Variants in PTPN9 observed in about 807,000 individuals in gnomAD.
PTPN9 encodes tyrosine-protein phosphatase non-receptor type 9.
Under a neutral mutation model 69.8 loss-of-function variants are expected in PTPN9, and 26 were observed. That is an observed-to-expected ratio of 0.37 (90% CI 0.27 to 0.52). The LOEUF (loss-of-function observed/expected upper bound fraction) is 0.52, where lower values mean the gene tolerates loss of function less well. Among genes scored for constraint, PTPN9 ranks in the 20% least tolerant of loss-of-function variants. The probability of loss-of-function intolerance (pLI) is 0.91; values close to 1 mark genes in which losing one functional copy is unlikely to be tolerated. For missense variants in PTPN9, 549 were observed against 740.3 expected, an observed-to-expected ratio of 0.74 and a Z score of 3.00; for synonymous variants, 274 against 272.5, an observed-to-expected ratio of 1.01 and a Z score of -0.05.
intron 1 of PTPN9, among the ~76,000 whole-genome samples, chr15:75,546,531 T>C (rs558825367): frequency 6.0e-5 from 9 of 151,040 alleles, no homozygotes; most frequent in Admixed American, 1.3e-4. Flanking sequence ...TACTCCCAGC[T>C]ACTCAGGAGG....
chr15:75,515,530 G>T, intron 5 of PTPN9, among the ~76,000 whole-genome samples: 1 of 152,062 alleles, frequency 6.6e-6, no homozygotes, highest in East Asian at 1.9e-4. Context: ...CACTTTGGGA[G>T]GCCAAGGAGG....
Position 75,468,235 on chromosome 15 carries a change from C to T in PTPN9, c.*534G>A, listed in dbSNP as rs1363776945. ...ACACACGTACATATGGACCCATACA[C>T]ATAAGTGCACACACACACACACACA... On this transcript the variant is annotated 3_prime_UTR_variant, in exon 13 of 13. Coordinates refer to ENST00000618819, the MANE Select transcript of PTPN9 (RefSeq NM_002833.4). 1.9e-5 allele frequency: 3 copies of T among 158,610 alleles called. No individual in the cohort carries two copies. Among genetic ancestry groups the T allele is most frequent in the African/African-American group, 7.2e-5 (3 of 41,474 alleles). The allele number at this position is 158,610 out of a possible 1,614,324, so 9.8% of individuals were successfully genotyped here.
chr15:75,480,731 G>T, intron 8 of PTPN9: 1 of 1,303,386 alleles, frequency 7.7e-7, no homozygotes, highest in Non-Finnish European at 9.8e-7. Context: ...GGAGTTCAGC[G>T]GGCAGCGGAG....
chr15:75,508,025 G>A (rs1344938489), intron 6 of PTPN9, among the ~76,000 whole-genome samples: 1 of 122,146 alleles, frequency 8.2e-6, no homozygotes, highest in Non-Finnish European at 1.6e-5. Flanking sequence ...CTAGGCAACA[G>A]AGTGAGACAC....
At position 75,465,039 on chromosome 15, in the gene PTPN9, A is replaced by G. The variant is rs1376155525; in HGVS notation, c.*3730T>C. 6.6e-6 allele frequency: 1 copy of G among 152,224 alleles called. No individual in the cohort carries two copies. Among genetic ancestry groups the G allele is most frequent in the Non-Finnish European group, 1.5e-5 (1 of 68,030 alleles). 9.4% of individuals were successfully genotyped at this position (152,224 alleles called of 1,614,324 possible). A position where few individuals can be genotyped will look rare whatever the true frequency, so the allele number is the denominator to read the frequency against. On this transcript the variant is annotated 3_prime_UTR_variant, in exon 13 of 13. Coordinates refer to ENST00000618819, the MANE Select transcript of PTPN9 (RefSeq NM_002833.4). ...GAAAGGTGAAACAAACAGCCATCAA[A>G]TCAGAAGCAGAAGCCTGCTTTAGCT...
At chr15:75,530,631 T>C (rs1311038281) in intron 1 of PTPN9, among the ~76,000 whole-genome samples, 1 of 68,882 alleles carries the variant, frequency 1.5e-5, no homozygotes, top group Admixed American at 2.5e-4. Context: ...ATTATTATAT[T>C]ATAATATACT....
At chr15:75,576,410 T>C (rs2075173638) in intron 1 of PTPN9, among the ~76,000 whole-genome samples, 1 of 147,660 alleles carries the variant, frequency 6.8e-6, no homozygotes, top group Non-Finnish European at 1.5e-5. Context: ...TGGGTACCTG[T>C]AATCCCAGAT....
At chr15:75,476,708 T>A (rs951355397) in intron 9 of PTPN9, among the ~76,000 whole-genome samples, 1 of 152,182 alleles carries the variant, frequency 6.6e-6, no homozygotes. Context: ...CTCTGGGTCC[T>A]AGGGTTATGA....
chr15:75,530,416 ATATAT>A (rs886653922), intron 1 of PTPN9, among the ~76,000 whole-genome samples: 54 of 107,996 alleles, frequency 5.0e-4, no homozygotes, highest in African/African-American at 1.1e-3. Flanking sequence ...TTATATTATT[ATATAT>A]TATATTATAA....
chr15:75,558,559 C>T (rs528754193), intron 1 of PTPN9, among the ~76,000 whole-genome samples: 27 of 152,216 alleles, frequency 1.8e-4, no homozygotes, highest in Non-Finnish European at 3.5e-4. Flanking sequence ...TCTCTTGCCA[C>T]GGTCTCCCTC....
intron 2 of PTPN9, among the ~76,000 whole-genome samples, chr15:75,526,712 G>A (rs977124093): frequency 1.2e-4 from 19 of 152,052 alleles, no homozygotes; most frequent in Non-Finnish European, 5.9e-5. Context: ...TTCCTGAACT[G>A]CCCACTAAGC....
chr15:75,565,155 T>A (rs1345749853), intron 1 of PTPN9, among the ~76,000 whole-genome samples: 2 of 147,878 alleles, frequency 1.4e-5, no homozygotes, highest in African/African-American at 2.5e-5. Flanking sequence ...AATAATTTTT[T>A]AAAAGCTAAA....
intron 4 of PTPN9, among the ~76,000 whole-genome samples, chr15:75,519,294 G>A (rs188325386): frequency 1.3e-5 from 2 of 152,278 alleles, no homozygotes; most frequent in Middle Eastern, 3.4e-3. Flanking sequence ...TAGTAGAGAC[G>A]GGGTTTCGCC....
intron 1 of PTPN9, among the ~76,000 whole-genome samples, chr15:75,569,613 G>A (rs1026414991): frequency 7.0e-6 from 1 of 143,516 alleles, no homozygotes; most frequent in African/African-American, 2.6e-5. Flanking sequence ...GCTGAGGCTG[G>A]AAAATCGCTT....
intron 7 of PTPN9, among the ~76,000 whole-genome samples, chr15:75,497,063 A>G (rs1057447103): frequency 6.6e-6 from 1 of 152,236 alleles, no homozygotes; most frequent in African/African-American, 2.4e-5. Context: ...ATGCATATAT[A>G]ACAGTATAAA....
At chr15:75,470,246 C>G (rs1260351810) in intron 11 of PTPN9, among the ~76,000 whole-genome samples, 1 of 152,176 alleles carries the variant, frequency 6.6e-6, no homozygotes, top group South Asian at 2.1e-4. Flanking sequence ...ACTCTGTTGC[C>G]CAGGTTGGAG....
intron 1 of PTPN9, among the ~76,000 whole-genome samples, chr15:75,572,287 G>A (rs747327525): frequency 1.7e-4 from 26 of 151,952 alleles, no homozygotes; most frequent in Non-Finnish European, 2.9e-4. Flanking sequence ...AGCTGAGATC[G>A]TGCCACTGCC....
chr15:75,494,496 G>A lies in PTPN9; in HGVS notation c.969-4195C>T, dbSNP rs368647596. On this transcript the variant is annotated intron_variant, in intron 7 of 12. Transcript: ENST00000618819. ...GCCTCCCGAGTAGCTGGGATTACAGGAGCCTGCCACCATACCTGGCTAATT... is the reference window on the plus strand; with the variant it reads ...GCCTCCCGAGTAGCTGGGATTACAGAAGCCTGCCACCATACCTGGCTAATT... Among the ~76,000 whole-genome samples, 9 of 151,468 alleles carry A rather than the reference G, an allele frequency of 5.9e-5. No individual in the cohort carries two copies. The East Asian group carries it at 1.4e-3, about 23-fold the overall frequency.
At chr15:75,524,363 T>C in intron 2 of PTPN9, 65 bp from the exon 3 acceptor site, 3 of 908,912 alleles carry the variant, frequency 3.3e-6, no homozygotes, top group Non-Finnish European at 5.2e-6. Flanking sequence ...CAGCACCATG[T>C]AACCACCAAA....
Sources: gnomAD v4.1 joint callset for allele counts (sites outside exome capture counted in the v4.1 genomes callset) on GRCh38, gnomAD v4.1.1 for gene constraint, MANE v1.5 for transcripts, NCBI Gene and HGNC (gene_info 2026-07-23, HGNC 2026-07-21) for gene names.